The following TBC1D23 variants were observed in gnomAD, a reference collection of about 807,000 sequenced individuals.
TBC1D23 encodes HCV non-structural protein 4A-transactivated protein 1.
Under a neutral mutation model 91.4 loss-of-function variants are expected in TBC1D23, and 55 were observed. The ratio of observed to expected loss-of-function variants is 0.60; its 90% CI spans 0.48 to 0.75. The LOEUF (loss-of-function observed/expected upper bound fraction) is 0.75. Ranked by LOEUF, TBC1D23 falls within the 30% of genes least tolerant of loss-of-function variation. The pLI is 0.00. For synonymous variants in TBC1D23, 289 were observed against 281.0 expected, an observed-to-expected ratio of 1.03 and a Z score of -0.28; for missense variants, 725 against 836.1, an observed-to-expected ratio of 0.87 and a Z score of 1.64.
chr3:100,291,785 C>CT lies in TBC1D23; in HGVS notation c.600+1094dup, dbSNP rs1365916217. On this transcript the variant is annotated intron_variant, in intron 5 of 18. Coordinates refer to ENST00000394144, the MANE Select transcript of TBC1D23 (RefSeq NM_001199198.3). ...CATCAAAGATGGATTATCATATCTG[C>CT]TTTTTTTTTTCTTTTTTTTTTTTTT... is the stretch of plus-strand genomic sequence containing the variant. Among the ~76,000 whole-genome samples, 912 of 138,624 alleles carry CT rather than the reference C, an allele frequency of 6.6e-3. 14 individuals carry two copies. Among genetic ancestry groups the CT allele is most frequent in the African/African-American group, 0.022 (820 of 38,108 alleles). 90.9% of individuals were successfully genotyped at this position (138,624 alleles called of 152,430 possible). A position where few individuals can be genotyped will look rare whatever the true frequency, so the allele number is the denominator to read the frequency against.
rs2067670098 is a variant in TBC1D23, at chr3:100,278,650, C to T, written c.54-999C>T. Reference sequence around the variant, plus strand: ...CCACCCACCTTGGCCTCCCAAAGTGCTGGGATTACAGGCGTGAGCCACTGC... The same window carrying T: ...CCACCCACCTTGGCCTCCCAAAGTGTTGGGATTACAGGCGTGAGCCACTGC... On this transcript the variant is annotated intron_variant, in intron 1 of 18. Transcript: ENST00000394144. Among the ~76,000 whole-genome samples, 3 of 152,144 alleles carry T rather than the reference C, an allele frequency of 2.0e-5. No individual in the cohort carries two copies. In the South Asian group the frequency reaches 6.2e-4, roughly 31 times the overall value.
intron 1 of TBC1D23, among the ~76,000 whole-genome samples, chr3:100,276,160 A>G (rs1457827627): frequency 6.6e-6 from 1 of 151,918 alleles, no homozygotes; most frequent in East Asian, 1.9e-4. Context: ...GAGTGTGTGT[A>G]TATTTAAACA....
At position 100,261,053 on chromosome 3, in the gene TBC1D23, C is replaced by A. The variant is rs774961609; in HGVS notation, c.35C>A (p.Thr12Lys). 3.1e-6 allele frequency: 5 copies of A among 1,613,898 alleles called. No homozygotes were observed. Among genetic ancestry groups the A allele is most frequent in the Non-Finnish European group, 4.2e-6 (5 of 1,179,746 alleles). Reference sequence around the variant, plus strand: ...GGAGAAGATGTGCCGCCGCTGCCAACGTCGAGCGGCGACGGCTGGTGAGTG... The same window carrying A: ...GGAGAAGATGTGCCGCCGCTGCCAAAGTCGAGCGGCGACGGCTGGTGAGTG... ...AEGEDVPPLP[T>K]SSGDGWEKDL... is the part of the protein sequence containing the mutation. The change falls in exon 1 of 19, where the codon ACG (threonine) becomes AAG (lysine). Residue 12 changes from threonine to lysine, a missense_variant. By Grantham distance (78) the Thr-to-Lys change is moderately conservative. Coordinates refer to ENST00000394144, the MANE Select transcript of TBC1D23 (RefSeq NM_001199198.3).
At chr3:100,316,247 C>T in intron 16 of TBC1D23, 60 bp downstream of exon 16, 1 of 1,186,584 alleles carries the variant, frequency 8.4e-7, no homozygotes, top group Non-Finnish European at 1.3e-6. Flanking sequence ...TTACAGCAGT[C>T]ATTCTGGGAA....
intron 1 of TBC1D23, among the ~76,000 whole-genome samples, chr3:100,268,948 T>C (rs1000215514): frequency 6.6e-6 from 1 of 152,214 alleles, no homozygotes; most frequent in African/African-American, 2.4e-5. Flanking sequence ...AAACGTTTTT[T>C]GTGTATCTTT....
intron 8 of TBC1D23, among the ~76,000 whole-genome samples, chr3:100,296,640 A>G (rs2067843406): frequency 6.6e-6 from 1 of 151,646 alleles, no homozygotes. Context: ...TGGGTGGATC[A>G]CGAGGTCGGG....
chr3:100,281,592 GACTAAAT>G, intron 2 of TBC1D23, 143 bp from the exon 3 acceptor site: 1 of 479,232 alleles, frequency 2.1e-6, no homozygotes, highest in South Asian at 3.6e-5. Flanking sequence ...GTTGTGACAT[GACTAAAT>G]ACTCAACATT....
chr3:100,322,115 T>C (rs1705868394), intron 18 of TBC1D23, among the ~76,000 whole-genome samples: 1 of 150,748 alleles, frequency 6.6e-6, no homozygotes, highest in East Asian at 2.0e-4. Context: ...TTAATTTTTT[T>C]GAGACGGAGT....
At position 100,306,440 on chromosome 3, in the gene TBC1D23, T is replaced by C. The variant is rs779146528; in HGVS notation, c.1310T>C (p.Leu437Pro). ...VSIASGGFMA[L>P]QQHLADINVD... ...TTTTTTTTTAATTTATCTTAAGCAC[T>C]GCAGCAGCACCTGGCAGACATTAAT... The change falls in exon 13 of 19, where the codon CTG becomes CCG. Residue 437 changes from leucine to proline, a missense_variant. Transcript: ENST00000394144. 1 of 1,595,080 alleles carries C rather than the reference T, an allele frequency of 6.3e-7. No homozygotes were observed. The highest frequency in any genetic ancestry group is 2.2e-5 in the East Asian group (1 of 44,782).
At position 100,320,771 on chromosome 3, in the gene TBC1D23, C is replaced by A; in HGVS notation, c.1824-6C>A. 7.0e-7 allele frequency: 1 copy of A among 1,432,318 alleles called. No individual in the cohort carries two copies. The highest frequency in any genetic ancestry group is 1.7e-5 in the South Asian group (1 of 58,494). 88.7% of individuals were successfully genotyped at this position (1,432,318 alleles called of 1,614,324 possible). Reference sequence around the variant, plus strand: ...CTTTTTCTTTTAATGCTTTTTTTGTCTCAAGTCATCTGTTGGTTACTGCAA... The same window carrying A: ...CTTTTTCTTTTAATGCTTTTTTTGTATCAAGTCATCTGTTGGTTACTGCAA... On this transcript the variant is annotated splice_region_variant and splice_polypyrimidine_tract_variant and intron_variant, in intron 17 of 18. Transcript: ENST00000394144.
chr3:100,265,359 A>C (rs969017825), intron 1 of TBC1D23, among the ~76,000 whole-genome samples: 1 of 152,246 alleles, frequency 6.6e-6, no homozygotes, highest in Non-Finnish European at 1.5e-5. Context: ...AAAATGCCTC[A>C]GCTTTCAAGC....
At chr3:100,263,055 TA>T (rs1405574816) in intron 1 of TBC1D23, among the ~76,000 whole-genome samples, 1 of 152,136 alleles carries the variant, frequency 6.6e-6, no homozygotes, top group African/African-American at 2.4e-5. Context: ...GTGTGAGCAA[TA>T]AAGCTTTTAA....
In TBC1D23 at chr3:100,323,579, C is replaced by T; in HGVS notation, c.2019-8C>T. The T allele has an allele frequency of 7.0e-7, 1 of 1,422,984 alleles. No homozygotes were observed. Among genetic ancestry groups the T allele is most frequent in the African/African-American group, 1.5e-5 (1 of 66,954 alleles). The allele number at this position is 1,422,984 out of a possible 1,614,324, so 88.1% of individuals were successfully genotyped here. On this transcript the variant is annotated splice_region_variant and splice_polypyrimidine_tract_variant and intron_variant, in intron 18 of 18. Coordinates refer to ENST00000394144, the MANE Select transcript of TBC1D23 (RefSeq NM_001199198.3). Reference sequence around the variant, plus strand: ...TATGTATATATATGTATTTTTTTTCCCCCTTAGGTATTTGATTCCAAATGC... The same window carrying T: ...TATGTATATATATGTATTTTTTTTCTCCCTTAGGTATTTGATTCCAAATGC...
intron 1 of TBC1D23, among the ~76,000 whole-genome samples, chr3:100,264,507 A>G (rs2067542754): frequency 6.6e-6 from 1 of 152,222 alleles, no homozygotes; most frequent in South Asian, 2.1e-4. Flanking sequence ...TTTATGTTCT[A>G]GATACAGGAG....
intron 18 of TBC1D23, among the ~76,000 whole-genome samples, chr3:100,321,255 G>A (rs1422749844): frequency 2.0e-5 from 3 of 152,182 alleles, no homozygotes; most frequent in Admixed American, 2.0e-4. Flanking sequence ...CTGGCTTGCA[G>A]AGAAATAAGA....
chr3:100,279,747 C>A lies in TBC1D23; in HGVS notation c.152C>A (p.Ala51Asp), dbSNP rs1333980072. The A allele has an allele frequency of 1.9e-6, 3 of 1,586,496 alleles. No homozygotes were observed. Among genetic ancestry groups the A allele is most frequent in the South Asian group, 1.1e-5 (1 of 87,614 alleles). ...QGRPLPADLR[A>D]KVWKIALNVA... ...AGACCGCTGCCTGCTGATCTGAGGG[C>A]CAAAGTTTGGAAGGTAACTAGAAAC... The change falls in exon 2 of 19, where the codon GCC (alanine) becomes GAC (aspartate). Residue 51 changes from alanine to aspartate, a missense_variant. Transcript: ENST00000394144.
intron 15 of TBC1D23, 84 bp from the exon 16 acceptor site, chr3:100,316,015 G>T: frequency 1.8e-6 from 2 of 1,100,658 alleles, no homozygotes; most frequent in Non-Finnish European, 2.8e-6. Context: ...ATTACATTTT[G>T]TGTGAATATT....
rs188522870 is a variant in TBC1D23, at chr3:100,262,312, G to T, written c.53+1241G>T. The stretch of plus-strand genomic sequence containing the variant: ...GGGCAGTTGGAGTCACTGGGGGAAA[G>T]CTTCATGAAAGCAGCAGTGTTTCAA... On this transcript the variant is annotated intron_variant, in intron 1 of 18. Transcript: ENST00000394144. 1.6e-3 allele frequency among the ~76,000 whole-genome samples: 249 copies of T among 152,342 alleles called. 1 individual carries two copies. The highest frequency in any genetic ancestry group is 0.014 in the Middle Eastern group (4 of 294).
chr3:100,283,609 C>G lies in TBC1D23; in HGVS notation c.274C>G (p.Gln92Glu). 6.2e-7 allele frequency: 1 copy of G among 1,612,592 alleles called. No homozygotes were observed. Among genetic ancestry groups the G allele is most frequent in the African/African-American group, 1.3e-5 (1 of 74,992 alleles). Residue 92 changes from glutamine (Q) to glutamate (E), a missense_variant and splice_region_variant, in exon 4 of 19, where the codon CAG becomes GAG. Gln to Glu is a conservative substitution (Grantham distance 29). Transcript: ENST00000394144. The stretch of plus-strand genomic sequence containing the variant: ...TATTTTTAACATTTATTTTCTAGAC[C>G]AGCTTTCAGTGCCAGAGGAGAAGGC... ...IHKDCLQFID[Q>E]LSVPEEKAAE...
Sources: gnomAD v4.1 joint callset for allele counts (sites outside exome capture counted in the v4.1 genomes callset) on GRCh38, gnomAD v4.1.1 for gene constraint, MANE v1.5 for transcripts, NCBI Gene and HGNC (gene_info 2026-07-23, HGNC 2026-07-21) for gene names.